The following PREP variants were observed in gnomAD, a reference collection of about 807,000 sequenced individuals.
PREP encodes the protein prolyl endopeptidase.
A neutral mutation model predicts 87.6 loss-of-function variants in PREP; 29 were observed. The observed-to-expected ratio is 0.33, with a 90% CI of 0.25 to 0.45. The LOEUF (loss-of-function observed/expected upper bound fraction) is 0.45, where lower values mean the gene tolerates loss of function less well. Ranked by LOEUF, PREP falls within the 20% of genes least tolerant of loss-of-function variation. The pLI is 1.00. For missense variants in PREP, 695 were observed against 886.5 expected, an observed-to-expected ratio of 0.78 and a Z score of 2.74; for synonymous variants, 337 against 328.6, an observed-to-expected ratio of 1.03 and a Z score of -0.28.
Position 105,292,826 on chromosome 6 carries a change from C to T in PREP, c.1318-3932G>A, listed in dbSNP as rs1228739658. Among the ~76,000 whole-genome samples, 7 of 152,236 alleles carry T rather than the reference C, an allele frequency of 4.6e-5. No homozygotes were observed. The East Asian group carries it at 1.3e-3, about 29-fold the overall frequency. ...GCTGCAGCTTCTACATCAGCACTTC[C>T]TGCTGCATCTTGCACTTTTATGTTA... is the stretch of plus-strand genomic sequence containing the variant. On this transcript the variant is annotated intron_variant, in intron 10 of 14. Coordinates refer to ENST00000652536, the MANE Select transcript of PREP (RefSeq NM_002726.5).
At chr6:105,369,969 T>C (rs1044805507) in intron 5 of PREP, among the ~76,000 whole-genome samples, 6 of 152,084 alleles carry the variant, frequency 3.9e-5, no homozygotes, top group African/African-American at 1.4e-4. Flanking sequence ...CAATCAGATA[T>C]GGTCGGGCGT....
chr6:105,294,045 G>T (rs1011670205), intron 10 of PREP, among the ~76,000 whole-genome samples: 7 of 152,080 alleles, frequency 4.6e-5, no homozygotes, highest in Non-Finnish European at 7.4e-5. Flanking sequence ...TCCTGAATTT[G>T]CTGGGTCAGG....
chr6:105,287,596 G>A (rs1484110929), intron 11 of PREP, among the ~76,000 whole-genome samples: 3 of 152,182 alleles, frequency 2.0e-5, no homozygotes, highest in Admixed American at 6.5e-5. Context: ...GATATTGAGT[G>A]CTCAAAACAA....
At chr6:105,343,761 C>A (rs1420434400) in intron 7 of PREP, among the ~76,000 whole-genome samples, 1 of 152,100 alleles carries the variant, frequency 6.6e-6, no homozygotes, top group African/African-American at 2.4e-5. Context: ...CCAAAAGACG[C>A]ATGAAAAAAT....
chr6:105,371,713 A>G (rs888582987), intron 5 of PREP, among the ~76,000 whole-genome samples: 7 of 152,064 alleles, frequency 4.6e-5, no homozygotes, highest in Non-Finnish European at 8.8e-5. Flanking sequence ...AGTGATTGTC[A>G]TTGAGCTTTC....
At chr6:105,390,625 G>GT (rs1306067409) in intron 2 of PREP, among the ~76,000 whole-genome samples, 4 of 152,192 alleles carry the variant, frequency 2.6e-5, no homozygotes, top group African/African-American at 7.2e-5. Flanking sequence ...CAGCAACTCA[G>GT]TAACAACTTC....
At chr6:105,304,374 C>A (rs117782636) in intron 10 of PREP, among the ~76,000 whole-genome samples, 1 of 152,334 alleles carries the variant, frequency 6.6e-6, no homozygotes, top group East Asian at 1.9e-4. Flanking sequence ...AATACCCCCA[C>A]TTTTCAGCTG....
intron 7 of PREP, among the ~76,000 whole-genome samples, chr6:105,338,983 C>G (rs1440295019): frequency 6.6e-6 from 1 of 152,218 alleles, no homozygotes; most frequent in East Asian, 1.9e-4. Flanking sequence ...CAGAAGGCAG[C>G]AGAAACTTCT....
chr6:105,285,571 C>T lies in PREP; in HGVS notation c.1464G>A (p.Arg488=), dbSNP rs745320029. The T allele has an allele frequency of 3.2e-5, 51 of 1,613,612 alleles. No individual in the cohort carries two copies. The East Asian group carries it at 1.1e-3, about 35-fold the overall frequency. ...ISITPNYSVS[R]LIFVRHMGGI... The stretch of plus-strand genomic sequence containing the variant: ...CACCCATGTGTCTCACAAAAATAAG[C>T]CTGGAAACACTGAGAAGCAGTAAAA... Residue 488 remains arginine, a synonymous_variant, in exon 12 of 15, where the codon AGG becomes AGA. Coordinates refer to ENST00000652536, the MANE Select transcript of PREP (RefSeq NM_002726.5).
chr6:105,285,430 C>T, intron 12 of PREP, 56 bp downstream of exon 12: 1 of 1,538,838 alleles, frequency 6.5e-7, no homozygotes, highest in Admixed American at 1.7e-5. Context: ...GAAGGATCAG[C>T]ACAACCTTAG....
intron 6 of PREP, among the ~76,000 whole-genome samples, chr6:105,355,933 T>C (rs917863641): frequency 2.0e-5 from 3 of 152,174 alleles, no homozygotes; most frequent in African/African-American, 7.2e-5. Flanking sequence ...TATTTTCTAT[T>C]TCTTTGTTCA....
intron 7 of PREP, 90 bp downstream of exon 7, chr6:105,352,882 G>A (rs1444324411): frequency 7.1e-6 from 8 of 1,121,958 alleles, no homozygotes; most frequent in Admixed American, 1.9e-5. Flanking sequence ...GAATGGAAGA[G>A]GGTCTTGGGA....
At chr6:105,398,729 C>A (rs1773348558) in intron 1 of PREP, among the ~76,000 whole-genome samples, 1 of 152,096 alleles carries the variant, frequency 6.6e-6, no homozygotes, top group Admixed American at 6.5e-5. Flanking sequence ...AAACAGTTTT[C>A]ACCACTCCTC....
rs963596744 is a variant in PREP, at chr6:105,273,335, C to A, written c.*4809G>T. 6 of 152,106 alleles carry A rather than the reference C, an allele frequency of 3.9e-5. No individual in the cohort carries two copies. Among genetic ancestry groups the A allele is most frequent in the Admixed American group, 3.3e-4 (5 of 15,274 alleles). 9.4% of individuals were successfully genotyped at this position (152,106 alleles called of 1,614,324 possible). On this transcript the variant is annotated 3_prime_UTR_variant, in exon 15 of 15. Transcript: ENST00000652536. ...TTCAATGACTTTTTAATACATTTAC[C>A]AGGTTGTGCAACCGTTACTGAAATC...
chr6:105,280,345 T>G (rs1292885324), intron 14 of PREP, among the ~76,000 whole-genome samples: 1 of 152,172 alleles, frequency 6.6e-6, no homozygotes, highest in South Asian at 2.1e-4. Flanking sequence ...TCATCAAAAT[T>G]TGTAGTTTAC....
In PREP at chr6:105,325,392, T is replaced by C. The variant is rs149252721; in HGVS notation, c.1214-1624A>G. 1.7e-4 allele frequency among the ~76,000 whole-genome samples: 26 copies of C among 152,316 alleles called. No homozygotes were observed. The East Asian group carries it at 5.0e-3, about 29-fold the overall frequency. On this transcript the variant is annotated intron_variant, in intron 9 of 14. Coordinates refer to ENST00000652536, the MANE Select transcript of PREP (RefSeq NM_002726.5). ...GACCTGAGACAAGGCACCAAAGTAC[T>C]AGAATGCAAGTTCTGTAGTGAAAGA...
intron 6 of PREP, among the ~76,000 whole-genome samples, chr6:105,360,305 G>C (rs1272664137): frequency 6.6e-6 from 1 of 152,266 alleles, no homozygotes; most frequent in East Asian, 1.9e-4. Flanking sequence ...TCCTTGGCAG[G>C]GAGGTCAGAA....
At chr6:105,331,277 A>T (rs1464422208) in intron 8 of PREP, among the ~76,000 whole-genome samples, 1 of 152,180 alleles carries the variant, frequency 6.6e-6, no homozygotes, top group African/African-American at 2.4e-5. Flanking sequence ...AAAATCTTAT[A>T]ACCTTTCAGA....
intron 7 of PREP, among the ~76,000 whole-genome samples, chr6:105,352,007 T>G (rs1771968743): frequency 6.6e-6 from 1 of 152,192 alleles, no homozygotes; most frequent in African/African-American, 2.4e-5. Context: ...CAGAGAAGTT[T>G]AAAAATGGCG....
Sources: gnomAD v4.1 joint callset for allele counts (sites outside exome capture counted in the v4.1 genomes callset) on GRCh38, gnomAD v4.1.1 for gene constraint, MANE v1.5 for transcripts, NCBI Gene and HGNC (gene_info 2026-07-23, HGNC 2026-07-21) for gene names.